Variants in FRMD4A observed in about 807,000 individuals in gnomAD.
FRMD4A encodes FERM domain containing 4A, also known as FERM domain-containing protein 4A.
A neutral mutation model predicts 129.1 loss-of-function variants in FRMD4A; 29 were observed. The observed-to-expected ratio is 0.22, with a 90% CI of 0.17 to 0.31. The LOEUF (loss-of-function observed/expected upper bound fraction) is 0.31, where lower values mean the gene tolerates loss of function less well. Ranked by LOEUF, FRMD4A falls within the 10% of genes least tolerant of loss-of-function variation. The pLI, the probability that FRMD4A is intolerant of heterozygous loss-of-function variation, is 1.00. For missense variants in FRMD4A, 1,272 were observed against 1,375.8 expected (o/e 0.92, Z 1.19); for synonymous variants, 634 against 571.6 (o/e 1.11, Z -1.56).
At chr10:14,160,572 A>T (rs952990639) in intron 2 of FRMD4A, among the ~76,000 whole-genome samples, 1 of 152,244 alleles carries the variant, frequency 6.6e-6, no homozygotes, top group African/African-American at 2.4e-5. Context: ...ATGTTCAAGG[A>T]ACTCAAACAA....
intron 15 of FRMD4A, chr10:13,685,551 T>C: frequency 1.0e-6 from 1 of 985,306 alleles, no homozygotes; most frequent in Non-Finnish European, 1.2e-6. Context: ...GCAGGTTAAC[T>C]GTGAATTTCA....
intron 2 of FRMD4A, among the ~76,000 whole-genome samples, chr10:14,229,557 C>G (rs1305592891): frequency 6.6e-6 from 1 of 152,130 alleles, no homozygotes; most frequent in Non-Finnish European, 1.5e-5. Flanking sequence ...CCCACTGCAG[C>G]CTCCCGAGTA....
intron 3 of FRMD4A, among the ~76,000 whole-genome samples, chr10:13,855,075 A>G (rs751930736): frequency 4.6e-5 from 7 of 152,216 alleles, no homozygotes; most frequent in Non-Finnish European, 8.8e-5. Context: ...TACTCAGAGC[A>G]ATAGAGGATT....
intron 2 of FRMD4A, among the ~76,000 whole-genome samples, chr10:14,096,445 G>T (rs1033634040): frequency 6.6e-6 from 1 of 152,206 alleles, no homozygotes; most frequent in Non-Finnish European, 1.5e-5. Flanking sequence ...CAACAGTTAT[G>T]GAGAGAGACT....
intron 2 of FRMD4A, among the ~76,000 whole-genome samples, chr10:14,316,515 A>AG (rs1846745570): frequency 1.4e-5 from 2 of 140,462 alleles, no homozygotes; most frequent in African/African-American, 5.1e-5. Flanking sequence ...CAGCAAAAAA[A>AG]AAAAAAAAAA....
At chr10:13,880,422 A>C (rs2094533752) in intron 2 of FRMD4A, among the ~76,000 whole-genome samples, 1 of 152,178 alleles carries the variant, frequency 6.6e-6, no homozygotes, top group Non-Finnish European at 1.5e-5. Context: ...CATCATTGTC[A>C]TCATTTGTCT....
At chr10:14,076,940 TGAAGAGGG>T (rs1835645951) in intron 2 of FRMD4A, among the ~76,000 whole-genome samples, 1 of 151,378 alleles carries the variant, frequency 6.6e-6, no homozygotes, top group Admixed American at 6.6e-5. Context: ...GATACAGAGG[TGAAGAGGG>T]GAGGTGTCCA....
At chr10:13,659,593 G>T (rs1218856591) in intron 20 of FRMD4A, 103 bp from the exon 21 acceptor site, 4 of 1,169,052 alleles carry the variant, frequency 3.4e-6, no homozygotes, top group African/African-American at 3.0e-5. Flanking sequence ...GGGAAAGCTC[G>T]CCCGTGACTC....
intron 2 of FRMD4A, among the ~76,000 whole-genome samples, chr10:14,250,364 T>C (rs1196244724): frequency 2.6e-5 from 4 of 152,198 alleles, no homozygotes; most frequent in Non-Finnish European, 5.9e-5. Context: ...AAGCATAGAA[T>C]AGCAGGAGAA....
chr10:13,681,557 T>C (rs771013249), intron 15 of FRMD4A, among the ~76,000 whole-genome samples: 12 of 151,914 alleles, frequency 7.9e-5, no homozygotes, highest in Non-Finnish European at 1.2e-4. Flanking sequence ...CATATATATA[T>C]GTATGTATAT....
intron 2 of FRMD4A, among the ~76,000 whole-genome samples, chr10:14,186,094 C>T (rs903806884): frequency 1.1e-4 from 16 of 150,300 alleles, no homozygotes; most frequent in Non-Finnish European, 2.2e-4. Context: ...GAGACAAAGA[C>T]ACCAATGACT....
chr10:13,783,078 A>G (rs1333123991), intron 5 of FRMD4A, 72 bp from the exon 6 acceptor site: 1 of 742,752 alleles, frequency 1.3e-6, no homozygotes, highest in African/African-American at 1.7e-5. Flanking sequence ...CTTGAGCTAC[A>G]TGATTTGAGA....
chr10:13,971,343 TC>T (rs778387938), intron 2 of FRMD4A, among the ~76,000 whole-genome samples: 70 of 152,186 alleles, frequency 4.6e-4, no homozygotes, highest in Admixed American at 1.2e-3. Flanking sequence ...ACAACTTACA[TC>T]CTTCTCTGAG....
At chr10:14,135,848 A>G (rs563683838) in intron 2 of FRMD4A, among the ~76,000 whole-genome samples, 2 of 152,350 alleles carry the variant, frequency 1.3e-5, no homozygotes, top group South Asian at 4.1e-4. Flanking sequence ...GACTGAATAC[A>G]ATGGTCATGG....
intron 2 of FRMD4A, among the ~76,000 whole-genome samples, chr10:13,906,663 T>C (rs2094885204): frequency 6.6e-6 from 1 of 152,222 alleles, no homozygotes. Context: ...AGGTAACTGC[T>C]GTGAGCTTTA....
At chr10:14,151,910 C>A (rs1482544745) in intron 2 of FRMD4A, among the ~76,000 whole-genome samples, 2 of 152,116 alleles carry the variant, frequency 1.3e-5, no homozygotes, top group Non-Finnish European at 2.9e-5. Context: ...GCTTGCAGGA[C>A]ACTTTCTACC....
At chr10:13,726,080 G>A (rs1160118897) in intron 12 of FRMD4A, among the ~76,000 whole-genome samples, 1 of 152,152 alleles carries the variant, frequency 6.6e-6, no homozygotes, top group Non-Finnish European at 1.5e-5. Context: ...TTCTTTGGGG[G>A]CCTGGGCAAC....
chr10:14,198,815 A>G (rs1476735371), intron 2 of FRMD4A, among the ~76,000 whole-genome samples: 3 of 152,188 alleles, frequency 2.0e-5, no homozygotes, highest in African/African-American at 7.2e-5. Flanking sequence ...CCAACTCCGC[A>G]TTTTATGAGC....
intron 12 of FRMD4A, among the ~76,000 whole-genome samples, chr10:13,729,153 C>T (rs2090142543): frequency 3.7e-5 from 1 of 27,166 alleles, no homozygotes; most frequent in Non-Finnish European, 1.1e-4. Flanking sequence ...CGTTCAGGTC[C>T]ACTCAGACTG....
Sources: allele counts gnomAD v4.1 joint callset (sites outside exome capture counted in the v4.1 genomes callset), GRCh38; gene constraint gnomAD v4.1.1; transcripts MANE v1.5; gene names NCBI Gene and HGNC (gene_info 2026-07-23, HGNC 2026-07-21).